Variants in LRRN3 observed in about 807,000 individuals in gnomAD.
LRRN3 encodes leucine rich repeat neuronal 3.
In LRRN3, 15 loss-of-function variants were observed where a neutral mutation model predicts 40.1. That is an observed-to-expected ratio of 0.37 (90% CI 0.25 to 0.58). LRRN3 has a LOEUF of 0.58. Among genes scored for constraint, LRRN3 ranks in the 20% least tolerant of loss-of-function variants. The probability of loss-of-function intolerance (pLI) is 0.72; values close to 1 mark genes in which losing one functional copy is unlikely to be tolerated. For synonymous variants in LRRN3, 308 were observed against 297.2 expected (o/e 1.04, Z -0.37); for missense variants, 746 against 837.7 (o/e 0.89, Z 1.35).
intron 2 of LRRN3, among the ~76,000 whole-genome samples, chr7:111,109,719 T>C (rs1798969821): frequency 1.3e-5 from 2 of 152,204 alleles, no homozygotes. Flanking sequence ...TAAGGTCATA[T>C]ATGAAAATTG....
intron 2 of LRRN3, among the ~76,000 whole-genome samples, chr7:111,107,636 C>G (rs1383994323): frequency 6.6e-6 from 1 of 152,030 alleles, no homozygotes; most frequent in South Asian, 2.1e-4. Flanking sequence ...AATTGGGGCA[C>G]TAGTAAAGTA....
intron 2 of LRRN3, among the ~76,000 whole-genome samples, chr7:111,100,983 A>G (rs1248705213): frequency 6.6e-6 from 1 of 151,560 alleles, no homozygotes; most frequent in African/African-American, 2.4e-5. Context: ...ATGAACATTT[A>G]TAAGTTTAAA....
At chr7:111,114,829 A>G (rs1799682069) in intron 2 of LRRN3, among the ~76,000 whole-genome samples, 2 of 152,136 alleles carry the variant, frequency 1.3e-5, no homozygotes, top group Admixed American at 6.5e-5. Flanking sequence ...ATTATATAAT[A>G]ATAGAATTTG....
At chr7:111,121,870 A>C (rs1171498851) in intron 2 of LRRN3, among the ~76,000 whole-genome samples, 8 of 152,226 alleles carry the variant, frequency 5.3e-5, no homozygotes, top group African/African-American at 1.9e-4. Flanking sequence ...AAATGTGGCA[A>C]ATATACACCA....
At chr7:111,121,978 A>G (rs1800688257) in intron 2 of LRRN3, among the ~76,000 whole-genome samples, 1 of 151,758 alleles carries the variant, frequency 6.6e-6, no homozygotes, top group South Asian at 2.1e-4. Context: ...TATCGCAAGG[A>G]CAAAAAAACC....
chr7:111,100,541 A>T (rs1797862375), intron 2 of LRRN3, among the ~76,000 whole-genome samples: 1 of 149,752 alleles, frequency 6.7e-6, no homozygotes, highest in Non-Finnish European at 1.5e-5. Flanking sequence ...GATTAGTATA[A>T]TATTATTTAA....
In LRRN3 at chr7:111,124,223, A is replaced by G; in HGVS notation, c.1451A>G (p.Asn484Ser). The G allele has an allele frequency of 6.2e-7, 1 of 1,613,970 alleles. No individual in the cohort carries two copies. Among genetic ancestry groups the G allele is most frequent in the Non-Finnish European group, 8.5e-7 (1 of 1,179,946 alleles). Residue 484 changes from asparagine (N) to serine (S), a missense_variant, in exon 3 of 3, where the codon AAT (asparagine) becomes AGT (serine). Coordinates refer to ENST00000308478, the MANE Select transcript of LRRN3 (RefSeq NM_001099658.2). Reference sequence around the variant, plus strand: ...CATTCTGAGGGAACACTAGATATAAATGGCGTAACTCCCAAAGAAGGGGGT... The same window carrying G: ...CATTCTGAGGGAACACTAGATATAAGTGGCGTAACTCCCAAAGAAGGGGGT... ...YVHSEGTLDI[N>S]GVTPKEGGLY...
intron 1 of LRRN3, among the ~76,000 whole-genome samples, chr7:111,099,371 A>C (rs1797732123): frequency 6.6e-6 from 1 of 151,746 alleles, no homozygotes; most frequent in East Asian, 1.9e-4. Flanking sequence ...TTTTCAATGA[A>C]ATTCATCAAT....
chr7:111,116,925 G>T (rs933435711), intron 2 of LRRN3, among the ~76,000 whole-genome samples: 1 of 152,160 alleles, frequency 6.6e-6, no homozygotes, highest in Non-Finnish European at 1.5e-5. Flanking sequence ...GAGGCAAAAT[G>T]AAGGAATTTG....
intron 2 of LRRN3, among the ~76,000 whole-genome samples, chr7:111,115,240 C>T (rs1404416118): frequency 6.6e-6 from 1 of 152,078 alleles, no homozygotes; most frequent in Admixed American, 6.6e-5. Flanking sequence ...AATTAGAATT[C>T]CCCAGTATAT....
chr7:111,099,847 G>T (rs1797783102), intron 1 of LRRN3, 34 bp from the exon 2 acceptor site: 1 of 151,558 alleles, frequency 6.6e-6, no homozygotes, highest in Admixed American at 6.6e-5. Flanking sequence ...AACTTTTGGG[G>T]TTTTTTTCCT....
At chr7:111,094,769 T>C (rs1478028227) in intron 1 of LRRN3, among the ~76,000 whole-genome samples, 3 of 152,114 alleles carry the variant, frequency 2.0e-5, no homozygotes, top group Non-Finnish European at 4.4e-5. Flanking sequence ...ATGATAACAA[T>C]TATTTCTTTA....
At position 111,123,776 on chromosome 7, in the gene LRRN3, A is replaced by G; in HGVS notation, c.1004A>G (p.Lys335Arg). 1 of 1,614,026 alleles carries G rather than the reference A, an allele frequency of 6.2e-7. No individual in the cohort carries two copies. Among genetic ancestry groups the G allele is most frequent in the East Asian group, 2.2e-5 (1 of 44,868 alleles). The change falls in exon 3 of 3, where the codon AAG becomes AGG. Residue 335 changes from lysine (K) to arginine (R), a missense_variant. Coordinates refer to ENST00000308478, the MANE Select transcript of LRRN3 (RefSeq NM_001099658.2). The surrounding 1 kb of genome is among the most constrained non-coding windows in gnomAD (Gnocchi z 6.4). ...CCCAATGCATTTTTCAGACTCCCCAAGCTGGAATCACTCATGCTGAACAGC... is the reference window on the plus strand; with the variant it reads ...CCCAATGCATTTTTCAGACTCCCCAGGCTGGAATCACTCATGCTGAACAGC... ...IHPNAFFRLP[K>R]LESLMLNSNA... is the part of the protein sequence containing the mutation.
intron 2 of LRRN3, among the ~76,000 whole-genome samples, chr7:111,100,947 A>G (rs1163059487): frequency 2.0e-5 from 3 of 151,546 alleles, no homozygotes; most frequent in Admixed American, 1.3e-4. Flanking sequence ...AAACTTTTAA[A>G]TATCTTTCTA....
Position 111,122,874 on chromosome 7 carries a change from G to T in LRRN3, c.102G>T (p.Thr34=). The T allele has an allele frequency of 1.2e-6, 2 of 1,613,904 alleles. No individual in the cohort carries two copies. The highest frequency in any genetic ancestry group is 1.7e-6 in the Non-Finnish European group (2 of 1,179,848). ...AAGTGGATTGTCCACGGTTATGTAC[G>T]TGTGAAATCAGGCCTTGGTTTACAC... ...DKKVDCPRLC[T]CEIRPWFTPR... Residue 34 remains threonine (T), a synonymous_variant, in exon 3 of 3, where the codon ACG becomes ACT. Coordinates refer to ENST00000308478, the MANE Select transcript of LRRN3 (RefSeq NM_001099658.2).
rs547982415 is a variant in LRRN3 at position 111,123,979 on chromosome 7, C to A, written c.1207C>A (p.Gln403Lys). The change falls in exon 3 of 3, where the codon CAA becomes AAA. Residue 403 changes from glutamine (Q) to lysine (K), a missense_variant. By Grantham distance (53) the Gln-to-Lys change is moderately conservative (BLOSUM62 1). Coordinates refer to ENST00000308478, the MANE Select transcript of LRRN3 (RefSeq NM_001099658.2). The surrounding 1 kb of genome is among the most constrained non-coding windows in gnomAD (Gnocchi z 6.4). Reference protein sequence around the residue: ...SLFCVDPPEFQGQNVRQVHFR... With the variant: ...SLFCVDPPEFKGQNVRQVHFR... ...GTTTTGCGTGGACCCACCTGAATTC[C>A]AAGGTCAGAATGTTCGGCAAGTGCA... is the stretch of plus-strand genomic sequence containing the variant. 3.7e-6 allele frequency: 6 copies of A among 1,613,956 alleles called. No homozygotes were observed. Among genetic ancestry groups the A allele is most frequent in the Non-Finnish European group, 5.1e-6 (6 of 1,179,960 alleles).
chr7:111,116,779 CAAT>C (rs983460197), intron 2 of LRRN3, among the ~76,000 whole-genome samples: 2 of 152,042 alleles, frequency 1.3e-5, no homozygotes, highest in Non-Finnish European at 2.9e-5. Flanking sequence ...AAACACCCAA[CAAT>C]AATAACAAAA....
chr7:111,102,034 G>A (rs1290462672), intron 2 of LRRN3, among the ~76,000 whole-genome samples: 1 of 150,872 alleles, frequency 6.6e-6, no homozygotes, highest in Non-Finnish European at 1.5e-5. Flanking sequence ...TGCAGAAACT[G>A]CCGCCAATAT....
At chr7:111,121,972 G>T (rs1400090325) in intron 2 of LRRN3, among the ~76,000 whole-genome samples, 2 of 150,744 alleles carry the variant, frequency 1.3e-5, no homozygotes, top group African/African-American at 2.4e-5. Flanking sequence ...GCAAACTATC[G>T]CAAGGACAAA....
Sources: gnomAD v4.1 joint callset for allele counts (sites outside exome capture counted in the v4.1 genomes callset) on GRCh38, gnomAD v4.1.1 for gene constraint, Gnocchi (gnomAD v3.1) non-coding constraint, MANE v1.5 for transcripts, NCBI Gene and HGNC (gene_info 2026-07-23, HGNC 2026-07-21) for gene names.